Variants in CDH18 observed in about 807,000 individuals in gnomAD.
The protein encoded by CDH18 is cadherin-18.
CDH18 carries 31 observed loss-of-function variants against 67.9 expected under a neutral mutation model. The ratio of observed to expected loss-of-function variants is 0.46; its 90% CI spans 0.34 to 0.62. The LOEUF is 0.62. CDH18 is among the 20% of genes least tolerant of loss of function. CDH18 has a pLI of 0.01. For synonymous variants in CDH18, 362 were observed against 347.2 expected (o/e 1.04, Z -0.48); for missense variants, 890 against 975.5 (o/e 0.91, Z 1.17).
At chr5:20,390,698 T>C (rs1283054963) in intron 1 of CDH18, among the ~76,000 whole-genome samples, 1 of 152,164 alleles carries the variant, frequency 6.6e-6, no homozygotes, top group Non-Finnish European at 1.5e-5. Flanking sequence ...GTATGTTTAT[T>C]GCGGCACTAT....
intron 5 of CDH18, among the ~76,000 whole-genome samples, chr5:19,664,052 A>G (rs1429724298): frequency 6.6e-6 from 1 of 151,926 alleles, no homozygotes; most frequent in African/African-American, 2.4e-5. Flanking sequence ...AACTGCATTA[A>G]TCCCTGTGAA....
chr5:19,673,148 C>A (rs894827941), intron 5 of CDH18, among the ~76,000 whole-genome samples: 1 of 151,980 alleles, frequency 6.6e-6, no homozygotes, highest in African/African-American at 2.4e-5. Context: ...GGAGAGCTGT[C>A]TTTACACCAT....
chr5:20,128,525 C>G (rs1271136208), intron 2 of CDH18, among the ~76,000 whole-genome samples: 1 of 152,064 alleles, frequency 6.6e-6, no homozygotes, highest in African/African-American at 2.4e-5. Context: ...AATGTATAGG[C>G]TACCATATAT....
chr5:19,664,884 C>A (rs1175809934), intron 5 of CDH18, among the ~76,000 whole-genome samples: 1 of 151,870 alleles, frequency 6.6e-6, no homozygotes, highest in Non-Finnish European at 1.5e-5. Flanking sequence ...GTTTTATTTA[C>A]ATCTCTGTAT....
intron 1 of CDH18, among the ~76,000 whole-genome samples, chr5:20,299,442 AC>A (rs1747788252): frequency 2.0e-5 from 3 of 149,284 alleles, no homozygotes; most frequent in Non-Finnish European, 4.4e-5. Flanking sequence ...ACACACACAC[AC>A]ACACACAAAA....
intron 2 of CDH18, among the ~76,000 whole-genome samples, chr5:20,026,860 G>A (rs1237977777): frequency 5.9e-5 from 9 of 152,104 alleles, no homozygotes; most frequent in Admixed American, 5.2e-4. Context: ...GGGAGGCTGA[G>A]GCAGGAGAAT....
At chr5:19,811,481 A>G (rs1778738358) in intron 3 of CDH18, among the ~76,000 whole-genome samples, 1 of 152,098 alleles carries the variant, frequency 6.6e-6, no homozygotes, top group Non-Finnish European at 1.5e-5. Context: ...CCTTCGAAGG[A>G]ACCAATCCTG....
intron 11 of CDH18, among the ~76,000 whole-genome samples, chr5:19,487,590 C>T (rs1474010711): frequency 6.6e-6 from 1 of 152,066 alleles, no homozygotes; most frequent in East Asian, 1.9e-4. Flanking sequence ...TTCATTATAA[C>T]CAATATGTTC....
In CDH18 at chr5:20,305,167, C is replaced by A. The variant is rs1736309936; in HGVS notation, c.-579-49662G>T. On this transcript the variant is annotated intron_variant, in intron 1 of 14. Coordinates refer to the CDH18 transcript ENST00000507958. The stretch of plus-strand genomic sequence containing the variant: ...CTTTGCACTGGTGAAGGGAGGGGCG[C>A]TGGTTATGTTGTTTCCATTCGACAG... 2.1e-6 allele frequency: 3 copies of A among 1,439,154 alleles called. No homozygotes were observed. In the East Asian group the frequency reaches 6.8e-5, roughly 33 times the overall value. 89.1% of individuals were successfully genotyped at this position (1,439,154 alleles called of 1,614,324 possible). A position where few individuals can be genotyped will look rare whatever the true frequency, so the allele number is the denominator to read the frequency against.
intron 1 of CDH18, among the ~76,000 whole-genome samples, chr5:20,511,465 GAAA>G (rs571702527): frequency 2.9e-4 from 44 of 151,768 alleles, no homozygotes; most frequent in African/African-American, 9.7e-4. Flanking sequence ...AATACTGGGA[GAAA>G]AAAAAGTGTT....
chr5:19,977,929 A>AT (rs535879460), intron 2 of CDH18, among the ~76,000 whole-genome samples: 4 of 152,206 alleles, frequency 2.6e-5, no homozygotes, highest in African/African-American at 9.6e-5. Context: ...ATGAGGTTAC[A>AT]TTTTTTAATT....
intron 1 of CDH18, among the ~76,000 whole-genome samples, chr5:20,279,448 C>T (rs1193850567): frequency 4.0e-5 from 6 of 151,844 alleles, no homozygotes; most frequent in Non-Finnish European, 5.9e-5. Context: ...CCTGTAATTC[C>T]AGCACTCTGG....
chr5:19,974,138 G>A (rs1029739186), intron 2 of CDH18, among the ~76,000 whole-genome samples: 19 of 152,156 alleles, frequency 1.2e-4, no homozygotes, highest in Non-Finnish European at 2.2e-4. Flanking sequence ...GGAGGTATAA[G>A]GGTGACAAAG....
chr5:20,277,004 T>G (rs1025418778), intron 1 of CDH18, among the ~76,000 whole-genome samples: 1 of 152,068 alleles, frequency 6.6e-6, no homozygotes, highest in African/African-American at 2.4e-5. Context: ...TGCAGTAGAA[T>G]AGAGCACCAG....
At chr5:19,926,459 T>C (rs2150184607) in intron 2 of CDH18, among the ~76,000 whole-genome samples, 1 of 152,294 alleles carries the variant, frequency 6.6e-6, no homozygotes, top group South Asian at 2.1e-4. Flanking sequence ...TACATGTACT[T>C]ACTTATCTTT....
chr5:20,287,442 T>C (rs1746773501), intron 1 of CDH18, among the ~76,000 whole-genome samples: 1 of 151,796 alleles, frequency 6.6e-6, no homozygotes, highest in Admixed American at 6.6e-5. Context: ...TTCATAACTT[T>C]TCTGTTTCTA....
Position 19,993,729 on chromosome 5 carries a change from T to C in CDH18, c.-517-1715A>G, listed in dbSNP as rs531433473. Among the ~76,000 whole-genome samples the C allele has an allele frequency of 4.6e-5, 7 of 152,212 alleles. 1 individual carries two copies. The East Asian group carries it at 9.7e-4, about 21-fold the overall frequency. On this transcript the variant is annotated intron_variant, in intron 2 of 14. Transcript: ENST00000507958. ...ATACACGCATATAGATAGACAAATA[T>C]ATAGATATCGATATATAGATAATAG... is the stretch of plus-strand genomic sequence containing the variant.
intron 1 of CDH18, among the ~76,000 whole-genome samples, chr5:20,259,792 A>C (rs992041969): frequency 1.3e-5 from 2 of 152,148 alleles, no homozygotes; most frequent in African/African-American, 2.4e-5. Context: ...TCAACTGTAT[A>C]GCTAAATGCC....
intron 11 of CDH18, among the ~76,000 whole-genome samples, chr5:19,495,530 CG>C (rs1279808991): frequency 6.6e-6 from 1 of 151,756 alleles, no homozygotes; most frequent in Non-Finnish European, 1.5e-5. Flanking sequence ...CACCTGAGGT[CG>C]GGAGATTGAG....
Sources: gnomAD v4.1 joint callset for allele counts (sites outside exome capture counted in the v4.1 genomes callset) on GRCh38, gnomAD v4.1.1 for gene constraint, MANE v1.5 for transcripts, NCBI Gene and HGNC (gene_info 2026-07-23, HGNC 2026-07-21) for gene names.